The following ST8SIA4 variants were observed in gnomAD, a reference collection of about 807,000 sequenced individuals.
ST8SIA4 encodes the protein CMP-N-acetylneuraminate-poly-alpha-2,8-sialyltransferase.
Under a neutral mutation model 33.9 loss-of-function variants are expected in ST8SIA4, and 15 were observed. The observed-to-expected ratio is 0.44, with a 90% confidence interval of 0.30 to 0.68. The LOEUF (loss-of-function observed/expected upper bound fraction) is 0.68, where lower values mean the gene tolerates loss of function less well. Ranked by LOEUF, ST8SIA4 falls within the 30% of genes least tolerant of loss-of-function variation. ST8SIA4 has a pLI of 0.10. For synonymous variants in ST8SIA4, 171 were observed against 151.2 expected (o/e 1.13, Z -0.96); for missense variants, 321 against 428.0 (o/e 0.75, Z 2.21).
At chr5:100,819,424 G>A (rs1334894986) in intron 4 of ST8SIA4, among the ~76,000 whole-genome samples, 5 of 152,176 alleles carry the variant, frequency 3.3e-5, no homozygotes, top group African/African-American at 1.2e-4. Context: ...GGCAGATACT[G>A]TAGGAACTAC....
At chr5:100,885,395 T>C (rs1486481685) in intron 3 of ST8SIA4, 6 of 961,730 alleles carry the variant, frequency 6.2e-6, no homozygotes, top group Non-Finnish European at 7.4e-6. Context: ...ATGACTTTTT[T>C]TTTAAAAGTA....
chr5:100,848,345 G>A (rs961606584), intron 4 of ST8SIA4, among the ~76,000 whole-genome samples: 12 of 150,450 alleles, frequency 8.0e-5, no homozygotes, highest in Non-Finnish European at 1.6e-4. Context: ...TATATACTAT[G>A]AGTATACTAT....
At chr5:100,880,849 A>G (rs1475673286) in intron 3 of ST8SIA4, among the ~76,000 whole-genome samples, 1 of 152,232 alleles carries the variant, frequency 6.6e-6, no homozygotes, top group Non-Finnish European at 1.5e-5. Context: ...AATTTTTCTC[A>G]TTCATATTTA....
intron 1 of ST8SIA4, among the ~76,000 whole-genome samples, chr5:100,896,687 T>C (rs898490452): frequency 2.0e-5 from 3 of 152,168 alleles, no homozygotes; most frequent in Non-Finnish European, 4.4e-5. Flanking sequence ...TTGTATCCCG[T>C]AAATATATAC....
intron 3 of ST8SIA4, among the ~76,000 whole-genome samples, chr5:100,882,983 C>G (rs1355819564): frequency 6.6e-6 from 1 of 152,186 alleles, no homozygotes; most frequent in African/African-American, 2.4e-5. Flanking sequence ...GAGGTTGGAG[C>G]CCCCCACCCC....
chr5:100,877,533 T>C (rs1752330954), intron 3 of ST8SIA4, among the ~76,000 whole-genome samples: 1 of 152,116 alleles, frequency 6.6e-6, no homozygotes. Context: ...CAATAGGTCA[T>C]TGAAGATCTC....
intron 2 of ST8SIA4, among the ~76,000 whole-genome samples, chr5:100,894,929 G>A (rs1290064412): frequency 1.3e-5 from 2 of 151,984 alleles, no homozygotes; most frequent in African/African-American, 2.4e-5. Context: ...GAAATGCTGT[G>A]ATTCAAATAT....
At chr5:100,845,591 A>G (rs10463771) in intron 4 of ST8SIA4, among the ~76,000 whole-genome samples, 42,615 of 151,698 alleles carry the variant, frequency 0.28, 6,232 homozygotes, top group Non-Finnish European at 0.32. Flanking sequence ...TCACTCATTA[A>G]AAGATTGAGC....
rs183789442 is a variant in ST8SIA4 at position 100,900,132 on chromosome 5, G to C, written c.113+2711C>G. 6.2e-4 allele frequency among the ~76,000 whole-genome samples: 94 copies of C among 152,218 alleles called. 1 individual carries two copies. The highest frequency in any genetic ancestry group is 3.4e-4 in the Non-Finnish European group (23 of 67,980). On this transcript the variant is annotated intron_variant, in intron 1 of 4. Coordinates refer to ENST00000231461, the MANE Select transcript of ST8SIA4 (RefSeq NM_005668.6). Reference sequence around the variant, plus strand: ...AACTATAGATGGGACCCCCATTTGCGGGGGGGAAGGGTCGAAGGGATAAAG... The same window carrying C: ...AACTATAGATGGGACCCCCATTTGCCGGGGGGAAGGGTCGAAGGGATAAAG...
chr5:100,871,520 T>C (rs1752197631), intron 3 of ST8SIA4, among the ~76,000 whole-genome samples: 1 of 152,114 alleles, frequency 6.6e-6, no homozygotes, highest in African/African-American at 2.4e-5. Context: ...TCACATTGTG[T>C]AACATATTAT....
intron 4 of ST8SIA4, among the ~76,000 whole-genome samples, chr5:100,827,243 A>C (rs1751166937): frequency 6.6e-6 from 1 of 152,236 alleles, no homozygotes. Flanking sequence ...AAATAACTTA[A>C]ATCTACGTTG....
At position 100,807,200 on chromosome 5, in the gene ST8SIA4, C is replaced by T. The variant is rs1349010130; in HGVS notation, c.*4647G>A. The T allele has an allele frequency of 6.6e-6, 1 of 151,700 alleles. No individual in the cohort carries two copies. The highest frequency in any genetic ancestry group is 1.5e-5 in the Non-Finnish European group (1 of 67,816). The allele number at this position is 151,700 out of a possible 1,614,324, so 9.4% of individuals were successfully genotyped here. A position where few individuals can be genotyped will look rare whatever the true frequency, so the allele number is the denominator to read the frequency against. On this transcript the variant is annotated 3_prime_UTR_variant, in exon 5 of 5. Coordinates refer to ENST00000231461, the MANE Select transcript of ST8SIA4 (RefSeq NM_005668.6). Reference sequence around the variant, plus strand: ...GCTTGGATATATGAGATAAGAGAAACAGTGAAAAAAAGGGATTAATTTATT... The same window carrying T: ...GCTTGGATATATGAGATAAGAGAAATAGTGAAAAAAAGGGATTAATTTATT...
chr5:100,899,860 C>T (rs1162851703), intron 1 of ST8SIA4, among the ~76,000 whole-genome samples: 1 of 152,178 alleles, frequency 6.6e-6, no homozygotes, highest in East Asian at 1.9e-4. Context: ...CACTTAATGC[C>T]TTCACTGCTC....
rs576168945 is a variant in ST8SIA4, at chr5:100,898,261, C to A, written c.114-2476G>T. ...ATTACTTGATCCTAGGAGTTAGAGACCAGCCTGGGTAACATCACAAGTCCC... is the reference window on the plus strand; with the variant it reads ...ATTACTTGATCCTAGGAGTTAGAGAACAGCCTGGGTAACATCACAAGTCCC... On this transcript the variant is annotated intron_variant, in intron 1 of 4. Coordinates refer to ENST00000231461, the MANE Select transcript of ST8SIA4 (RefSeq NM_005668.6). Among the ~76,000 whole-genome samples, 10 of 152,186 alleles carry A rather than the reference C, an allele frequency of 6.6e-5. No individual in the cohort carries two copies. In the South Asian group the frequency reaches 2.1e-3, roughly 32 times the overall value.
chr5:100,883,367 T>C (rs1338917466), intron 3 of ST8SIA4, among the ~76,000 whole-genome samples: 2 of 152,256 alleles, frequency 1.3e-5, no homozygotes, highest in Admixed American at 1.3e-4. Flanking sequence ...CCAATAACTG[T>C]ACTCCCATTG....
At chr5:100,878,401 T>A (rs908408005) in intron 3 of ST8SIA4, among the ~76,000 whole-genome samples, 1 of 152,052 alleles carries the variant, frequency 6.6e-6, no homozygotes, top group East Asian at 1.9e-4. Context: ...GGTCTCGAAC[T>A]CCCGACCTCA....
chr5:100,883,966 T>C (rs967669787), intron 3 of ST8SIA4, among the ~76,000 whole-genome samples: 6 of 152,128 alleles, frequency 3.9e-5, no homozygotes, highest in African/African-American at 1.4e-4. Context: ...AAAAATTAGA[T>C]CTGTTGATTG....
chr5:100,873,281 G>A (rs1388872592), intron 3 of ST8SIA4, among the ~76,000 whole-genome samples: 6 of 152,048 alleles, frequency 3.9e-5, no homozygotes, highest in African/African-American at 7.2e-5. Flanking sequence ...TTAAAAAGGA[G>A]TAAATAGAAG....
intron 2 of ST8SIA4, among the ~76,000 whole-genome samples, chr5:100,892,427 C>T (rs1376855811): frequency 6.6e-6 from 1 of 151,948 alleles, no homozygotes; most frequent in Non-Finnish European, 1.5e-5. Flanking sequence ...ATCGTGAATC[C>T]TCAAAGTACA....
Sources: gnomAD v4.1 joint callset for allele counts (sites outside exome capture counted in the v4.1 genomes callset) on GRCh38, gnomAD v4.1.1 for gene constraint, MANE v1.5 for transcripts, NCBI Gene and HGNC (gene_info 2026-07-23, HGNC 2026-07-21) for gene names.